Variants in OR11A1 observed in about 807,000 individuals in gnomAD.
OR11A1 encodes olfactory receptor family 11 subfamily A member 1, also known as olfactory receptor 11A1.
For synonymous variants in OR11A1, 158 were observed against 152.2 expected, an observed-to-expected ratio of 1.04 and a Z score of -0.28; for missense variants, 380 against 378.2, an observed-to-expected ratio of 1.00 and a Z score of -0.04.
chr6:29,438,642 C>T (rs1042599993), intron 1 of OR11A1, among the ~76,000 whole-genome samples: 1 of 152,176 alleles, frequency 6.6e-6, no homozygotes, highest in African/African-American at 2.4e-5. Context: ...ATGTTCTTAA[C>T]AGGTCATTCT....
At chr6:29,455,535 T>A (rs1306773418) in intron 1 of OR11A1, among the ~76,000 whole-genome samples, 1 of 152,188 alleles carries the variant, frequency 6.6e-6, no homozygotes, top group Admixed American at 6.5e-5. Context: ...GAATAGATTT[T>A]AAGTACTCTT....
intron 1 of OR11A1, among the ~76,000 whole-genome samples, chr6:29,432,543 A>C (rs1783299576): frequency 6.6e-6 from 1 of 151,974 alleles, no homozygotes; most frequent in South Asian, 2.1e-4. Context: ...AATAGGTACC[A>C]CCCTTAGTAG....
chr6:29,454,330 T>G lies in OR11A1; in HGVS notation c.-389+2657A>C, dbSNP rs557189499. Among the ~76,000 whole-genome samples the G allele has an allele frequency of 7.2e-5, 11 of 152,202 alleles. No individual in the cohort carries two copies. The South Asian group carries it at 2.3e-3, about 32-fold the overall frequency. On this transcript the variant is annotated intron_variant, in intron 1 of 4. Coordinates refer to ENST00000377149, the MANE Select transcript of OR11A1 (RefSeq NM_001394828.1). ...AAGATCCACTATCAATATAGATGGG[T>G]ATCATCCAATCAGCTGGGGCCCAGA...
Position 29,452,792 on chromosome 6 carries a change from G to A in OR11A1, c.-389+4195C>T, listed in dbSNP as rs984743944. Among the ~76,000 whole-genome samples, 16 of 152,216 alleles carry A rather than the reference G, an allele frequency of 1.1e-4. No homozygotes were observed. In the East Asian group the frequency reaches 2.3e-3, roughly 22 times the overall value. On this transcript the variant is annotated intron_variant, in intron 1 of 4. Transcript: ENST00000377149. ...TAAAGGAAGTTTTTCAGGCTATAGA[G>A]AAATTATAATATTTGGAGTTTCAAA...
At position 29,448,103 on chromosome 6, in the gene OR11A1, G is replaced by A. The variant is rs187641966; in HGVS notation, c.-389+8884C>T. 9.5e-3 allele frequency among the ~76,000 whole-genome samples: 1,191 copies of A among 125,720 alleles called. 14 individuals are homozygous for A. Among genetic ancestry groups the A allele is most frequent in the East Asian group, 0.034 (129 of 3,754 alleles). 82.5% of individuals were successfully genotyped at this position (125,720 alleles called of 152,430 possible). A position where few individuals can be genotyped will look rare whatever the true frequency, so the allele number is the denominator to read the frequency against. On this transcript the variant is annotated intron_variant, in intron 1 of 4. Coordinates refer to ENST00000377149, the MANE Select transcript of OR11A1 (RefSeq NM_001394828.1). ...GTGATCTCGGCTCACTGCAACCTCC[G>A]CCTCCTGGGTTCAAGCGATTCTCCT...
At chr6:29,440,494 C>A in intron 1 of OR11A1, 1 of 1,613,712 alleles carries the variant, frequency 6.2e-7, no homozygotes, top group Non-Finnish European at 8.5e-7. Context: ...GGCCACACCC[C>A]TTTCATCTTC....
At chr6:29,427,841 C>T (rs1023759059) in intron 4 of OR11A1, 109 bp from the exon 5 acceptor site, 9 of 795,216 alleles carry the variant, frequency 1.1e-5, no homozygotes, top group African/African-American at 5.2e-5. Context: ...CCTCAACTCT[C>T]ATCCTTCCCT....
rs962330049 is a variant in OR11A1, at chr6:29,425,674, A to G, written c.*1020T>C. 1 of 152,224 alleles carries G rather than the reference A, an allele frequency of 6.6e-6. No homozygotes were observed. Among genetic ancestry groups the G allele is most frequent in the Non-Finnish European group, 1.5e-5 (1 of 68,032 alleles). 9.4% of individuals were successfully genotyped at this position (152,224 alleles called of 1,614,324 possible). On this transcript the variant is annotated 3_prime_UTR_variant, in exon 5 of 5. Transcript: ENST00000377149. ...CAAGGAGCTGTAGCTAATTAAAATA[A>G]GATTAGCAAAATGTTGATGTTGAAG... is the stretch of plus-strand genomic sequence containing the variant.
chr6:29,444,365 A>T (rs902298205), intron 1 of OR11A1, among the ~76,000 whole-genome samples: 6 of 152,220 alleles, frequency 3.9e-5, no homozygotes, highest in Non-Finnish European at 8.8e-5. Context: ...CTTTATCAGC[A>T]GTGTGAAAAC....
intron 1 of OR11A1, 101 bp from the exon 2 acceptor site, chr6:29,432,088 G>T (rs1179530489): frequency 2.5e-6 from 2 of 800,096 alleles, no homozygotes; most frequent in South Asian, 5.7e-5. Context: ...TAGCTCTCAG[G>T]CTATTCTGTC....
rs1561768283 is a variant in OR11A1 at position 29,426,846 on chromosome 6, C to G, written c.796G>C (p.Val266Leu). The G allele has an allele frequency of 6.2e-7, 1 of 1,613,110 alleles. No individual in the cohort carries two copies. The highest frequency in any genetic ancestry group is 1.7e-5 in the Admixed American group (1 of 60,024). The change falls in exon 5 of 5, where the codon GTC becomes CTC. Residue 266 changes from valine to leucine, a missense_variant. Val to Leu is a conservative substitution (Grantham distance 32). Transcript: ENST00000377149. ...LMIFYVAPSA[V>L]HSQLLSKVFS... ...ACCTTGGAGAGGAGCTGGGAATGGA[C>G]AGCAGAGGGTGCAACATAAAAGATC...
At position 29,425,569 on chromosome 6, in the gene OR11A1, T is replaced by C. The variant is rs926804255; in HGVS notation, c.*1125A>G. 1.3e-5 allele frequency: 2 copies of C among 152,206 alleles called. No homozygotes were observed. Among genetic ancestry groups the C allele is most frequent in the East Asian group, 1.9e-4 (1 of 5,202 alleles). 9.4% of individuals were successfully genotyped at this position (152,206 alleles called of 1,614,324 possible). The stretch of plus-strand genomic sequence containing the variant: ...TTATACTAAATACATATGTGGAATA[T>C]GTACATACATAACTTACACAACATA... On this transcript the variant is annotated 3_prime_UTR_variant, in exon 5 of 5. Transcript: ENST00000377149.
rs1782819384 is a variant in OR11A1 at position 29,426,580 on chromosome 6, G to A, written c.*114C>T. ...CATTTTCATTTTTAGTATAACTGCA[G>A]AAGAGTTCAAAGAGAATGGTCGAAT... On this transcript the variant is annotated 3_prime_UTR_variant, in exon 5 of 5. Coordinates refer to ENST00000377149, the MANE Select transcript of OR11A1 (RefSeq NM_001394828.1). The A allele has an allele frequency of 1.4e-6, 1 of 738,296 alleles. No homozygotes were observed. The highest frequency in any genetic ancestry group is 2.2e-6 in the Non-Finnish European group (1 of 462,262). The allele number at this position is 738,296 out of a possible 1,614,324, so 45.7% of individuals were successfully genotyped here.
rs576490349 is a variant in OR11A1 at position 29,432,802 on chromosome 6, A to C, written c.-388-815T>G. Among the ~76,000 whole-genome samples the C allele has an allele frequency of 5.9e-5, 9 of 152,124 alleles. No individual in the cohort carries two copies. The South Asian group carries it at 1.9e-3, about 32-fold the overall frequency. ...TGAAGGCACTTCTGTGTCATTTATCAAACTCAGACCCTAACTTCAGCTCCA... is the reference window on the plus strand; with the variant it reads ...TGAAGGCACTTCTGTGTCATTTATCCAACTCAGACCCTAACTTCAGCTCCA... On this transcript the variant is annotated intron_variant, in intron 1 of 4. Coordinates refer to ENST00000377149, the MANE Select transcript of OR11A1 (RefSeq NM_001394828.1).
chr6:29,440,085 G>C, intron 1 of OR11A1: 1 of 1,613,136 alleles, frequency 6.2e-7, no homozygotes, highest in Non-Finnish European at 8.5e-7. Context: ...CGACCTCCAG[G>C]GCTTGCTCTT....
rs551766279 is a variant in OR11A1, at chr6:29,428,375, G to A, written c.-92+538C>T. ...AGAGAAGGACCAAACCCAGCCTGGG[G>A]TTGTGGGGCAGAAGGTGTGGGATCA... On this transcript the variant is annotated intron_variant, in intron 4 of 4. Transcript: ENST00000377149. The A allele has an allele frequency of 6.2e-5, 61 of 985,412 alleles. No homozygotes were observed. The African/African-American group carries it at 1.0e-3, about 16-fold the overall frequency. 61.0% of individuals were successfully genotyped at this position (985,412 alleles called of 1,614,324 possible). A position where few individuals can be genotyped will look rare whatever the true frequency, so the allele number is the denominator to read the frequency against.
chr6:29,432,638 C>A (rs1251218228), intron 1 of OR11A1, among the ~76,000 whole-genome samples: 2 of 152,136 alleles, frequency 1.3e-5, no homozygotes, highest in Admixed American at 1.3e-4. Context: ...TACAAAATGA[C>A]GTTGAAATGG....
intron 1 of OR11A1, among the ~76,000 whole-genome samples, chr6:29,441,207 G>A (rs1437127548): frequency 1.3e-5 from 2 of 152,192 alleles, no homozygotes; most frequent in Non-Finnish European, 2.9e-5. Flanking sequence ...AGCAGAGCAA[G>A]TTGACAACCA....
intron 1 of OR11A1, 86 bp from the exon 2 acceptor site, chr6:29,432,073 T>C: frequency 1.1e-6 from 1 of 871,364 alleles, no homozygotes; most frequent in Non-Finnish European, 1.4e-6. Flanking sequence ...CTCCATCCCC[T>C]TTTCTAGCTC....
Sources: allele counts gnomAD v4.1 joint callset (sites outside exome capture counted in the v4.1 genomes callset), GRCh38; gene constraint gnomAD v4.1.1; transcripts MANE v1.5; gene names NCBI Gene and HGNC (gene_info 2026-07-23, HGNC 2026-07-21).